Variants in MAPK4 observed in about 807,000 individuals in gnomAD.
The protein encoded by MAPK4 is Erk3-related.
A neutral mutation model predicts 47.7 loss-of-function variants in MAPK4; 22 were observed. The observed-to-expected ratio is 0.46, with a 90% CI of 0.33 to 0.66. MAPK4 has a LOEUF of 0.66. Ranked by LOEUF, MAPK4 falls within the 30% of genes least tolerant of loss-of-function variation. The probability of loss-of-function intolerance (pLI) is 0.02; values close to 1 mark genes in which losing one functional copy is unlikely to be tolerated. For synonymous variants in MAPK4, 390 were observed against 365.7 expected, an observed-to-expected ratio of 1.07 and a Z score of -0.76; for missense variants, 736 against 831.7, an observed-to-expected ratio of 0.88 and a Z score of 1.42.
intron 3 of MAPK4, among the ~76,000 whole-genome samples, chr18:50,716,637 GC>G: frequency 6.6e-6 from 1 of 152,160 alleles, no homozygotes; most frequent in Non-Finnish European, 1.5e-5. Flanking sequence ...CCTGTCCTCT[GC>G]CTGGATTCCA....
At chr18:50,646,773 A>G (rs1356521436) in intron 1 of MAPK4, among the ~76,000 whole-genome samples, 2 of 152,110 alleles carry the variant, frequency 1.3e-5, no homozygotes, top group African/African-American at 4.8e-5. Context: ...GCCCAGCAGA[A>G]TCTATCTCTC....
At chr18:50,619,314 C>CATTT (rs553575675) in intron 1 of MAPK4, among the ~76,000 whole-genome samples, 52 of 152,184 alleles carry the variant, frequency 3.4e-4, no homozygotes, top group African/African-American at 1.2e-3. Context: ...GACCCAGAAT[C>CATTT]ATTTATTTAT....
At position 50,664,046 on chromosome 18, in the gene MAPK4, G is replaced by A. The variant is rs779378577; in HGVS notation, c.88G>A (p.Val30Ile). Residue 30 changes from valine to isoleucine, a missense_variant, in exon 2 of 6, where the codon GTC becomes ATC. Coordinates refer to ENST00000400384, the MANE Select transcript of MAPK4 (RefSeq NM_002747.4). The surrounding 1 kb of genome is among the most constrained non-coding windows in gnomAD (Gnocchi z 6.0). ...FVDFQPLGFGVNGLVLSAVDS... is the reference protein window; with the variant it reads ...FVDFQPLGFGINGLVLSAVDS... ...TGACTTCCAACCCCTGGGCTTCGGT[G>A]TCAATGGTTTGGTGCTGTCGGCCGT... 1.2e-6 allele frequency: 2 copies of A among 1,613,888 alleles called. No individual in the cohort carries two copies. The highest frequency in any genetic ancestry group is 3.3e-5 in the Admixed American group (2 of 60,034).
chr18:50,600,287 A>G (rs2042523432), intron 1 of MAPK4, among the ~76,000 whole-genome samples: 1 of 152,042 alleles, frequency 6.6e-6, no homozygotes, highest in African/African-American at 2.4e-5. Flanking sequence ...ACAGAATCCC[A>G]ATTTATTCAG....
chr18:50,643,305 G>T (rs1407972846), intron 1 of MAPK4, among the ~76,000 whole-genome samples: 1 of 152,234 alleles, frequency 6.6e-6, no homozygotes, highest in Admixed American at 6.5e-5. Context: ...TCAAGGTCAG[G>T]AGTTTGAGAC....
chr18:50,633,481 G>C (rs7242643), intron 1 of MAPK4, among the ~76,000 whole-genome samples: 27 of 151,926 alleles, frequency 1.8e-4, no homozygotes, highest in Non-Finnish European at 3.2e-4. Context: ...AAGTCCTGGC[G>C]CAGAGACTGT....
chr18:50,718,269 G>A (rs1910741474), intron 3 of MAPK4, among the ~76,000 whole-genome samples: 1 of 152,216 alleles, frequency 6.6e-6, no homozygotes, highest in African/African-American at 2.4e-5. Context: ...CCCCAGGCTG[G>A]AGTGCAACGG....
Position 50,685,330 on chromosome 18 carries a change from C to T in MAPK4, c.546+20826C>T, listed in dbSNP as rs62092198. Among the ~76,000 whole-genome samples, 678 of 152,356 alleles carry T rather than the reference C, an allele frequency of 4.5e-3. 3 individuals carry two copies. The highest frequency in any genetic ancestry group is 7.1e-3 in the Non-Finnish European group (485 of 68,026). ...GCCACCTCAAGCAAGTTGCCAAGCC[C>T]GGTGGGTCTTGGCTTCCTCACTCAC... On this transcript the variant is annotated intron_variant, in intron 2 of 5. Transcript: ENST00000400384.
chr18:50,589,489 G>A (rs1299139424), intron 1 of MAPK4, among the ~76,000 whole-genome samples: 1 of 151,680 alleles, frequency 6.6e-6, no homozygotes, highest in Admixed American at 6.6e-5. Context: ...CCAGCTACTC[G>A]GGAGGCTGAG....
intron 1 of MAPK4, among the ~76,000 whole-genome samples, chr18:50,594,419 A>G (rs558231292): frequency 1.3e-5 from 2 of 152,358 alleles, no homozygotes; most frequent in East Asian, 3.9e-4. Context: ...AAATAGATCA[A>G]TGAAACAGAA....
intron 1 of MAPK4, among the ~76,000 whole-genome samples, chr18:50,612,250 T>C (rs1243769563): frequency 6.6e-6 from 1 of 152,228 alleles, no homozygotes; most frequent in Non-Finnish European, 1.5e-5. Context: ...TTCAGAGAAG[T>C]GTTATGGCCT....
intron 1 of MAPK4, among the ~76,000 whole-genome samples, chr18:50,626,274 A>G (rs2042777232): frequency 6.6e-6 from 1 of 152,196 alleles, no homozygotes; most frequent in African/African-American, 2.4e-5. Flanking sequence ...AACCAAGTTG[A>G]CATAAAATTA....
chr18:50,704,512 C>T, intron 2 of MAPK4: 3 of 398,606 alleles, frequency 7.5e-6, no homozygotes, highest in Non-Finnish European at 1.3e-5. Context: ...ATGTGTGTCT[C>T]TCTCTTATTT....
chr18:50,608,477 C>T (rs1310877511), intron 1 of MAPK4, among the ~76,000 whole-genome samples: 1 of 152,142 alleles, frequency 6.6e-6, no homozygotes, highest in Non-Finnish European at 1.5e-5. Flanking sequence ...GATACAGATC[C>T]ACTTCCTTTT....
In MAPK4 at chr18:50,730,398, G is replaced by C. The variant is rs1911498704; in HGVS notation, c.*544G>C. On this transcript the variant is annotated 3_prime_UTR_variant, in exon 6 of 6. Coordinates refer to ENST00000400384, the MANE Select transcript of MAPK4 (RefSeq NM_002747.4). ...CGTTCTGGCTTTTTGTTAGAAACTT[G>C]GTCTGAGATGTTTCTTCCCTGTCCA... 1 of 152,798 alleles carries C rather than the reference G, an allele frequency of 6.5e-6. No homozygotes were observed. Among genetic ancestry groups the C allele is most frequent in the South Asian group, 2.1e-4 (1 of 4,840 alleles). 9.5% of individuals were successfully genotyped at this position (152,798 alleles called of 1,614,324 possible). A position where few individuals can be genotyped will look rare whatever the true frequency, so the allele number is the denominator to read the frequency against.
At chr18:50,625,365 T>C (rs943007611) in intron 1 of MAPK4, among the ~76,000 whole-genome samples, 1 of 152,202 alleles carries the variant, frequency 6.6e-6, no homozygotes, top group Non-Finnish European at 1.5e-5. Flanking sequence ...TTTTCCTTCC[T>C]CACTTTATCC....
At chr18:50,605,423 G>A (rs981021116) in intron 1 of MAPK4, among the ~76,000 whole-genome samples, 1 of 152,174 alleles carries the variant, frequency 6.6e-6, no homozygotes, top group African/African-American at 2.4e-5. Context: ...GAGGAAACAT[G>A]GGTTATATTA....
chr18:50,729,473 G>T lies in MAPK4; in HGVS notation c.1383G>T (p.Ser461=). 3 of 1,488,656 alleles carry T rather than the reference G, an allele frequency of 2.0e-6. No individual in the cohort carries two copies. Among genetic ancestry groups the T allele is most frequent in the Middle Eastern group, 1.8e-4 (1 of 5,696 alleles). The allele number at this position is 1,488,656 out of a possible 1,614,324, so 92.2% of individuals were successfully genotyped here. The change falls in exon 6 of 6, where the codon TCG becomes TCT. Residue 461 remains serine, a synonymous_variant. Transcript: ENST00000400384. ...YSEPKLILDL[S]HWKQAAGAPP... ...AGCCCAAGCTCATCCTGGACCTGTC[G>T]CACTGGAAGCAGGCGGCCGGCGCGC... is the stretch of plus-strand genomic sequence containing the variant.
chr18:50,676,420 A>T (rs977462891), intron 2 of MAPK4, among the ~76,000 whole-genome samples: 2 of 152,236 alleles, frequency 1.3e-5, no homozygotes, highest in Admixed American at 6.5e-5. Context: ...ATCAATTTAC[A>T]TAGTTATATA....
Sources: allele counts gnomAD v4.1 joint callset (sites outside exome capture counted in the v4.1 genomes callset), GRCh38; gene constraint gnomAD v4.1.1; non-coding constraint Gnocchi (gnomAD v3.1); transcripts MANE v1.5; gene names NCBI Gene and HGNC (gene_info 2026-07-23, HGNC 2026-07-21).